AOX1: variants seen among roughly 807,000 people sequenced by gnomAD.
AOX1 encodes aldehyde oxidase 1, also known as aldehyde oxidase.
In AOX1, 153 loss-of-function variants were observed where a neutral mutation model predicts 169.5. The ratio of observed to expected loss-of-function variants is 0.90; its 90% CI spans 0.79 to 1.03. AOX1 has a LOEUF of 1.03. AOX1 is among the 50% of genes least tolerant of loss of function. AOX1 has a pLI of 0.00. For synonymous variants in AOX1, 562 were observed against 581.9 expected (o/e 0.97, Z 0.49); for missense variants, 1,656 against 1,663.9 (o/e 1.00, Z 0.08).
chr2:200,668,655 T>G lies in AOX1; in HGVS notation c.3650T>G (p.Ile1217Arg). The G allele has an allele frequency of 6.2e-7, 1 of 1,614,044 alleles. No individual in the cohort carries two copies. The change falls in exon 33 of 35, where the codon ATA (isoleucine) becomes AGA (arginine). Residue 1217 changes from isoleucine to arginine, a missense_variant. Physicochemically the swap from Ile to Arg is moderately conservative, Grantham distance 97. Coordinates refer to ENST00000374700, the MANE Select transcript of AOX1 (RefSeq NM_001159.4). ...AFIQGMGLYT[I>R]EELNYSPQGI... Reference sequence around the variant, plus strand: ...ATTCAAGGCATGGGACTTTATACAATAGAGGAACTGAATTATTCTCCCCAG... The same window carrying G: ...ATTCAAGGCATGGGACTTTATACAAGAGAGGAACTGAATTATTCTCCCCAG...
At chr2:200,643,186 C>CT (rs35539595) in intron 25 of AOX1, among the ~76,000 whole-genome samples, 2,446 of 132,096 alleles carry the variant, frequency 0.019, 24 homozygotes, top group Non-Finnish European at 0.02. Context: ...CCTTTTGGTT[C>CT]TTTTTTTTTT....
chr2:200,604,765 G>C lies in AOX1; in HGVS notation c.739G>C (p.Val247Leu), dbSNP rs761245144. The C allele has an allele frequency of 5.0e-6, 8 of 1,613,878 alleles. No homozygotes were observed. The highest frequency in any genetic ancestry group is 4.4e-5 in the South Asian group (4 of 91,086). ...TGAGAGAATGATGTGGTTTTCCCCC[G>C]TGACCCTGAAGGAACTGCTGGAATT... ...GSERMMWFSP[V>L]TLKELLEFKF... Residue 247 changes from valine (V) to leucine (L), a missense_variant, in exon 9 of 35, where the codon GTG becomes CTG. Val to Leu is a conservative substitution (Grantham distance 32). Transcript: ENST00000374700.
chr2:200,655,773 G>A (rs1352424146), intron 26 of AOX1, among the ~76,000 whole-genome samples: 6 of 152,150 alleles, frequency 3.9e-5, no homozygotes, highest in Non-Finnish European at 7.3e-5. Context: ...CATGGTCCAC[G>A]GTCCCCAGGC....
At chr2:200,593,105 A>G (rs765388924) in intron 1 of AOX1, 41 bp from the exon 2 acceptor site, 63 of 1,467,112 alleles carry the variant, frequency 4.3e-5, no homozygotes, top group Non-Finnish European at 5.5e-5. Context: ...TGAATTTCAT[A>G]TTAGCTCTCT....
chr2:200,678,488 A>T (rs978460928), downstream of AOX1: 1 of 152,240 alleles, frequency 6.6e-6, no homozygotes, highest in Admixed American at 6.5e-5. Flanking sequence ...GTACAGCGTC[A>T]TGTAACTCTG....
chr2:200,604,906 T>TGGGCTGGGGTGGGGGCGGGGGG, intron 9 of AOX1, 66 bp downstream of exon 9: 1 of 678,952 alleles, frequency 1.5e-6, no homozygotes. Context: ...GGGGCCGGGG[T>TGGGCTGGGGTGGGGGCGGGGGG]GGGCTGGGGA....
chr2:200,644,124 A>G (rs1219121585), intron 25 of AOX1, among the ~76,000 whole-genome samples: 4 of 152,226 alleles, frequency 2.6e-5, no homozygotes, highest in Non-Finnish European at 5.9e-5. Flanking sequence ...GTTCTTGGTC[A>G]TGAAATCCTT....
At chr2:200,587,677 T>C (rs2034067361) in intron 1 of AOX1, among the ~76,000 whole-genome samples, 1 of 152,258 alleles carries the variant, frequency 6.6e-6, no homozygotes, top group African/African-American at 2.4e-5. Context: ...TTCACAGGAC[T>C]GCTGTGAGGG....
At chr2:200,604,668 C>T in intron 8 of AOX1, 28 bp from the exon 9 acceptor site, 6 of 1,613,404 alleles carry the variant, frequency 3.7e-6, no homozygotes, top group Non-Finnish European at 5.1e-6. Flanking sequence ...TCATTGGGTA[C>T]CTTGAATCCC....
intron 19 of AOX1, among the ~76,000 whole-genome samples, chr2:200,625,175 A>T (rs1036576846): frequency 6.6e-6 from 1 of 152,172 alleles, no homozygotes; most frequent in Non-Finnish European, 1.5e-5. Context: ...GCCAGTTTCA[A>T]ATTCAAACAC....
chr2:200,640,605 G>T (rs949081130), intron 23 of AOX1, among the ~76,000 whole-genome samples: 3 of 152,200 alleles, frequency 2.0e-5, no homozygotes, highest in Admixed American at 6.5e-5. Flanking sequence ...AGGAGGAACC[G>T]ATCTGGAAGA....
rs983436572 is a variant in AOX1 at position 200,602,880 on chromosome 2, G to T, written c.499-387G>T. On this transcript the variant is annotated intron_variant, in intron 6 of 34. Transcript: ENST00000374700. ...ATGAAGGATATAAGATTGCCCTCTG[G>T]AAGTTAAACAATGAATTCAGTATAT... is the stretch of plus-strand genomic sequence containing the variant. 7.9e-5 allele frequency among the ~76,000 whole-genome samples: 12 copies of T among 152,124 alleles called. No individual in the cohort carries two copies. In the East Asian group the frequency reaches 2.3e-3, roughly 29 times the overall value.
At chr2:200,608,931 T>C in intron 10 of AOX1, 53 bp from the exon 11 acceptor site, 2 of 1,545,836 alleles carry the variant, frequency 1.3e-6, no homozygotes, top group Non-Finnish European at 1.8e-6. Flanking sequence ...CTAATGGACA[T>C]TTTCAGATCA....
rs746941935 is a variant in AOX1, at chr2:200,604,023, C to T, written c.595C>T (p.Pro199Ser). The change falls in exon 8 of 35, where the codon CCA becomes TCA. Residue 199 changes from proline to serine, a missense_variant. Pro to Ser is a moderately conservative substitution (Grantham distance 74, BLOSUM62 -1). Transcript: ENST00000374700. Reference protein sequence around the residue: ...PEFEEGSKTSPKLFAEEEFLP... With the variant: ...PEFEEGSKTSSKLFAEEEFLP... Reference sequence around the variant, plus strand: ...TGATATGTTCTCTTTTTAGACAAGTCCAAAACTCTTCGCAGAAGAGGAGTT... The same window carrying T: ...TGATATGTTCTCTTTTTAGACAAGTTCAAAACTCTTCGCAGAAGAGGAGTT... The T allele has an allele frequency of 3.7e-6, 6 of 1,609,996 alleles. No homozygotes were observed. Among genetic ancestry groups the T allele is most frequent in the Middle Eastern group, 1.6e-4 (1 of 6,076 alleles).
At chr2:200,641,387 C>T (rs574244170) in intron 24 of AOX1, among the ~76,000 whole-genome samples, 2 of 152,116 alleles carry the variant, frequency 1.3e-5, no homozygotes, top group South Asian at 4.1e-4. Context: ...TGTTACCCCC[C>T]GGCTTCCCAT....
intron 1 of AOX1, 28 bp downstream of exon 1, chr2:200,586,181 C>G (rs1402964014): frequency 6.5e-7 from 1 of 1,544,456 alleles, no homozygotes; most frequent in Admixed American, 2.0e-5. Flanking sequence ...TCCTCTGCCC[C>G]CAGACCTGCG....
chr2:200,651,395 A>T (rs2035578416), intron 26 of AOX1, among the ~76,000 whole-genome samples, 194 bp downstream of exon 26: 1 of 152,236 alleles, frequency 6.6e-6, no homozygotes, highest in African/African-American at 2.4e-5. Flanking sequence ...TCCTCTGCTC[A>T]CATGCCCATG....
chr2:200,614,696 C>T (rs2034714972), intron 15 of AOX1, among the ~76,000 whole-genome samples: 1 of 152,178 alleles, frequency 6.6e-6, no homozygotes, highest in Admixed American at 6.5e-5. Context: ...GAACAGTCTT[C>T]CTGTGGTATA....
chr2:200,597,885 G>T (rs907646929), intron 4 of AOX1, among the ~76,000 whole-genome samples: 2 of 152,162 alleles, frequency 1.3e-5, no homozygotes, highest in African/African-American at 2.4e-5. Flanking sequence ...AAGGCAGGTG[G>T]ATTGCTTGAG....
Sources: gnomAD v4.1 joint callset for allele counts (sites outside exome capture counted in the v4.1 genomes callset) on GRCh38, gnomAD v4.1.1 for gene constraint, MANE v1.5 for transcripts, NCBI Gene and HGNC (gene_info 2026-07-23, HGNC 2026-07-21) for gene names.